The following PDS5A variants were observed in gnomAD, a reference collection of about 807,000 sequenced individuals.
PDS5A encodes the protein sister chromatid cohesion protein PDS5 homolog A.
PDS5A carries 42 observed loss-of-function variants against 167.1 expected under a neutral mutation model. The observed-to-expected ratio is 0.25, with a 90% CI of 0.20 to 0.33. The LOEUF (loss-of-function observed/expected upper bound fraction) is 0.33. Among genes scored for constraint, PDS5A ranks in the 10% least tolerant of loss-of-function variants. The pLI, the probability that PDS5A is intolerant of heterozygous loss-of-function variation, is 1.00. For synonymous variants in PDS5A, 553 were observed against 554.6 expected, an observed-to-expected ratio of 1.00 and a Z score of 0.04; for missense variants, 1,033 against 1,605.9, an observed-to-expected ratio of 0.64 and a Z score of 6.10.
At chr4:39,937,038 A>C (rs1379253451) in intron 2 of PDS5A, among the ~76,000 whole-genome samples, 15 of 152,206 alleles carry the variant, frequency 9.9e-5, no homozygotes, top group Admixed American at 9.8e-4. Flanking sequence ...TCCTCCCAGC[A>C]TATCACTGTG....
intron 10 of PDS5A, chr4:39,909,031 C>T (rs1196150856): frequency 1.8e-5 from 1 of 55,570 alleles, no homozygotes; most frequent in Non-Finnish European, 5.8e-5. Flanking sequence ...AGAGTGACGC[C>T]CTGTATCAAA....
intron 26 of PDS5A, among the ~76,000 whole-genome samples, chr4:39,858,891 T>G (rs2109537711): frequency 6.6e-6 from 1 of 152,168 alleles, no homozygotes; most frequent in East Asian, 1.9e-4. Flanking sequence ...GAAAACACAG[T>G]AAAAAATTTT....
Position 39,908,379 on chromosome 4 carries a change from A to G in PDS5A, c.1233+16T>C, listed in dbSNP as rs778253485. Reference sequence around the variant, plus strand: ...AAACAGTAAATTACAGAAGAATAAAATGCCTCAGATTTTACCCGTTTATCC... The same window carrying G: ...AAACAGTAAATTACAGAAGAATAAAGTGCCTCAGATTTTACCCGTTTATCC... On this transcript the variant is annotated intron_variant, in intron 11 of 32. Coordinates refer to ENST00000303538, the MANE Select transcript of PDS5A (RefSeq NM_001100399.2). 10 of 1,603,066 alleles carry G rather than the reference A, an allele frequency of 6.2e-6. No homozygotes were observed. Among genetic ancestry groups the G allele is most frequent in the Non-Finnish European group, 8.5e-6 (10 of 1,171,266 alleles).
chr4:39,844,862 A>G (rs1245966483), intron 29 of PDS5A, 61 bp from the exon 30 acceptor site: 6 of 1,490,064 alleles, frequency 4.0e-6, no homozygotes, highest in South Asian at 2.7e-5. Flanking sequence ...CCATGTATAC[A>G]TGTAAATTTA....
At chr4:39,944,499 C>T (rs2109773191) in intron 2 of PDS5A, among the ~76,000 whole-genome samples, 1 of 152,126 alleles carries the variant, frequency 6.6e-6, no homozygotes. Context: ...TTCACACCAG[C>T]CTGACCAACA....
intron 2 of PDS5A, among the ~76,000 whole-genome samples, chr4:39,960,862 G>C (rs895639732): frequency 6.6e-6 from 1 of 152,094 alleles, no homozygotes; most frequent in Non-Finnish European, 1.5e-5. Context: ...GCTAATTTTT[G>C]TATTTTTAGT....
In PDS5A at chr4:39,969,780, C is replaced by T. The variant is rs1401862569; in HGVS notation, c.138+6660G>A. ...TTAATACAAAATATTCATTCATTCA[C>T]TTAACAAGTATTTGTTCAGCACCCA... On this transcript the variant is annotated intron_variant, in intron 2 of 32. Coordinates refer to ENST00000303538, the MANE Select transcript of PDS5A (RefSeq NM_001100399.2). Among the ~76,000 whole-genome samples, 3 of 151,948 alleles carry T rather than the reference C, an allele frequency of 2.0e-5. No homozygotes were observed. In the East Asian group the frequency reaches 5.8e-4, roughly 29 times the overall value.
intron 2 of PDS5A, among the ~76,000 whole-genome samples, chr4:39,959,794 A>G (rs1729307484): frequency 6.6e-6 from 1 of 152,044 alleles, no homozygotes. Flanking sequence ...GTCTATAGTG[A>G]AAATACAAAA....
intron 32 of PDS5A, among the ~76,000 whole-genome samples, chr4:39,830,434 C>T (rs1715755968): frequency 6.6e-6 from 1 of 152,056 alleles, no homozygotes; most frequent in Non-Finnish European, 1.5e-5. Context: ...TGTTAATTTT[C>T]ATTTTTTTGA....
chr4:39,945,483 T>TAAAAAAAAAAAAAAAAAAAAAA (rs770327279), intron 2 of PDS5A, among the ~76,000 whole-genome samples: 1 of 135,914 alleles, frequency 7.4e-6, no homozygotes. Flanking sequence ...AAAAAAAAAT[T>TAAAAAAAAAAAAAAAAAAAAAA]AAATGCAGGC....
intron 32 of PDS5A, 158 bp downstream of exon 32, chr4:39,837,698 T>G: frequency 2.0e-6 from 1 of 510,920 alleles, no homozygotes; most frequent in Non-Finnish European, 3.4e-6. Context: ...CTGGAAGTTA[T>G]GAGATAATAA....
At chr4:39,938,693 C>T (rs940561164) in intron 2 of PDS5A, among the ~76,000 whole-genome samples, 2 of 151,908 alleles carry the variant, frequency 1.3e-5, no homozygotes, top group Non-Finnish European at 2.9e-5. Flanking sequence ...TAAGTTAGGC[C>T]AGGCGCAGTA....
chr4:39,926,713 C>A, intron 4 of PDS5A, 62 bp downstream of exon 4: 1 of 1,109,042 alleles, frequency 9.0e-7, no homozygotes, highest in Non-Finnish European at 1.2e-6. Context: ...ACAAAGTTAA[C>A]ATGAAGAATT....
intron 17 of PDS5A, among the ~76,000 whole-genome samples, chr4:39,889,951 A>T (rs1207313454): frequency 6.6e-6 from 1 of 152,242 alleles, no homozygotes; most frequent in Non-Finnish European, 1.5e-5. Flanking sequence ...GTTGGTCAAC[A>T]GCCACACAGA....
chr4:39,934,176 G>A (rs1027445751), intron 2 of PDS5A, among the ~76,000 whole-genome samples: 11 of 152,142 alleles, frequency 7.2e-5, no homozygotes, highest in Admixed American at 6.5e-5. Context: ...GAGCTCCAGG[G>A]TGGCTTCCTG....
At chr4:39,885,311 G>GA (rs1238458478) in intron 17 of PDS5A, among the ~76,000 whole-genome samples, 5 of 140,528 alleles carry the variant, frequency 3.6e-5, no homozygotes, top group Non-Finnish European at 7.6e-5. Flanking sequence ...GAAGAGAAGA[G>GA]AAAAAAAACT....
At chr4:39,836,522 C>A (rs1433785728) in intron 32 of PDS5A, among the ~76,000 whole-genome samples, 1 of 151,930 alleles carries the variant, frequency 6.6e-6, no homozygotes, top group African/African-American at 2.4e-5. Context: ...GCAACCTCTG[C>A]CTCCTGGGCT....
chr4:39,912,854 A>C (rs1325203039), intron 9 of PDS5A, among the ~76,000 whole-genome samples: 1 of 152,224 alleles, frequency 6.6e-6, no homozygotes, highest in Non-Finnish European at 1.5e-5. Context: ...AGTTAATGGC[A>C]ATCATATTTT....
intron 32 of PDS5A, among the ~76,000 whole-genome samples, chr4:39,830,720 C>T (rs918113867): frequency 3.3e-5 from 5 of 152,090 alleles, no homozygotes; most frequent in Non-Finnish European, 5.9e-5. Context: ...CCACCATGCC[C>T]AGCCCATTTG....
Sources: gnomAD v4.1 joint callset for allele counts (sites outside exome capture counted in the v4.1 genomes callset) on GRCh38, gnomAD v4.1.1 for gene constraint, MANE v1.5 for transcripts, NCBI Gene and HGNC (gene_info 2026-07-23, HGNC 2026-07-21) for gene names.